The following HIP1 variants were observed in gnomAD, a reference collection of about 807,000 sequenced individuals.
HIP1 encodes the protein huntingtin-interacting protein 1.
HIP1 carries 65 observed loss-of-function variants against 147.6 expected under a neutral mutation model. The ratio of observed to expected loss-of-function variants is 0.44; its 90% confidence interval spans 0.36 to 0.54. HIP1 has a LOEUF of 0.54. Among genes scored for constraint, HIP1 ranks in the 20% least tolerant of loss-of-function variants. HIP1 has a pLI of 0.00. For synonymous variants in HIP1, 479 were observed against 504.0 expected, an observed-to-expected ratio of 0.95 and a Z score of 0.67; for missense variants, 1,061 against 1,299.6, an observed-to-expected ratio of 0.82 and a Z score of 2.82.
intron 1 of HIP1, among the ~76,000 whole-genome samples, chr7:75,695,712 T>A (rs1800613635): frequency 6.6e-6 from 1 of 151,910 alleles, no homozygotes; most frequent in African/African-American, 2.4e-5. Flanking sequence ...GTAGCTCAGA[T>A]TACAGGCATG....
At chr7:75,573,056 G>A (rs894115833) in intron 8 of HIP1, among the ~76,000 whole-genome samples, 2 of 152,138 alleles carry the variant, frequency 1.3e-5, no homozygotes, top group African/African-American at 2.4e-5. Flanking sequence ...TCCCCGGTGG[G>A]GGCCGGGCTG....
In HIP1 at chr7:75,664,029, TATATATATACACATATATGTG is replaced by T. The variant is rs1554514091; in HGVS notation, c.121-64803_121-64783del. ...GTGTATATATATACACATATATGTG[TATATATATACACATATATGTG>T]TATATACACATATATGTGTATATAC... On this transcript the variant is annotated intron_variant, in intron 1 of 30. Coordinates refer to ENST00000336926, the MANE Select transcript of HIP1 (RefSeq NM_005338.7). 2.4e-3 allele frequency among the ~76,000 whole-genome samples: 24 copies of T among 9,820 alleles called. 6 individuals are homozygous for T. The highest frequency in any genetic ancestry group is 3.8e-3 in the Admixed American group (3 of 788). The allele number at this position is 9,820 out of a possible 152,430, so 6.4% of individuals were successfully genotyped here.
At chr7:75,571,910 A>G (rs1195336843) in intron 8 of HIP1, among the ~76,000 whole-genome samples, 1 of 152,140 alleles carries the variant, frequency 6.6e-6, no homozygotes, top group Non-Finnish European at 1.5e-5. Flanking sequence ...AACCAGAAGG[A>G]CACAAAAGTA....
chr7:75,637,990 CCCCACACACACACATA>C (rs1466907019), intron 1 of HIP1, among the ~76,000 whole-genome samples: 12 of 43,548 alleles, frequency 2.8e-4, no homozygotes, highest in African/African-American at 9.9e-4. Context: ...CCCCCCCCCC[CCCCACACACACACATA>C]CACACACACA....
chr7:75,738,688 C>G, intron 1 of HIP1, 113 bp downstream of exon 1: 1 of 1,296,968 alleles, frequency 7.7e-7, no homozygotes, highest in Non-Finnish European at 1.1e-6. Flanking sequence ...CTCACTACAC[C>G]CTCGCCCCGT....
At chr7:75,553,425 T>A in intron 22 of HIP1, 28 bp downstream of exon 22, 2 of 1,609,844 alleles carry the variant, frequency 1.2e-6, no homozygotes, top group South Asian at 2.2e-5. Flanking sequence ...AGAATAACAA[T>A]GCTCCTCAAT....
chr7:75,595,689 C>T (rs1217062966), intron 2 of HIP1, among the ~76,000 whole-genome samples: 2 of 152,162 alleles, frequency 1.3e-5, no homozygotes, highest in African/African-American at 4.8e-5. Flanking sequence ...TAATGCCTTT[C>T]TGGCATTCTT....
chr7:75,557,967 G>A (rs1304328946), intron 15 of HIP1, among the ~76,000 whole-genome samples, 197 bp from the exon 16 acceptor site: 2 of 152,202 alleles, frequency 1.3e-5, no homozygotes, highest in Non-Finnish European at 2.9e-5. Context: ...GAAGGTGGGT[G>A]ACCTACATGG....
At chr7:75,638,733 G>A (rs1798529717) in intron 1 of HIP1, among the ~76,000 whole-genome samples, 1 of 152,114 alleles carries the variant, frequency 6.6e-6, no homozygotes, top group African/African-American at 2.4e-5. Flanking sequence ...TTCCGGCGGC[G>A]CTGCCCTCCC....
At chr7:75,679,360 C>T (rs1040616469) in intron 1 of HIP1, among the ~76,000 whole-genome samples, 13 of 152,220 alleles carry the variant, frequency 8.5e-5, no homozygotes, top group Admixed American at 5.9e-4. Context: ...TGCACCAGCA[C>T]GCCTGGCTCA....
chr7:75,713,314 A>G (rs1485131821), intron 1 of HIP1, among the ~76,000 whole-genome samples: 1 of 152,220 alleles, frequency 6.6e-6, no homozygotes, highest in Non-Finnish European at 1.5e-5. Context: ...GTGCAATGAC[A>G]TAGTTCCCAG....
At chr7:75,553,703 T>C (rs2116798034) in intron 21 of HIP1, 114 bp from the exon 22 acceptor site, 1 of 946,386 alleles carries the variant, frequency 1.1e-6, no homozygotes, top group East Asian at 2.7e-5. Context: ...CCTCCTGAGT[T>C]CAAGCGATTC....
At chr7:75,589,683 C>CAAAAAAAAAAA (rs1159535613) in intron 4 of HIP1, among the ~76,000 whole-genome samples, 2 of 49,638 alleles carry the variant, frequency 4.0e-5, no homozygotes, top group African/African-American at 1.7e-4. Flanking sequence ...ACTCTGTCTC[C>CAAAAAAAAAAA]AAAAAAAAAA....
chr7:75,737,676 A>G (rs189706008), intron 1 of HIP1, among the ~76,000 whole-genome samples: 26 of 152,236 alleles, frequency 1.7e-4, no homozygotes, highest in African/African-American at 6.3e-4. Context: ...GATTCCATAT[A>G]CAGAACCTTC....
rs1252456010 is a variant in HIP1 at position 75,534,043 on chromosome 7, C to T, written c.*4129G>A. On this transcript the variant is annotated 3_prime_UTR_variant, in exon 31 of 31. Coordinates refer to ENST00000336926, the MANE Select transcript of HIP1 (RefSeq NM_005338.7). The stretch of plus-strand genomic sequence containing the variant: ...CAAGATGCTGACCGGTTATTAAAGA[C>T]CAGGGTCAAATGGAGCCAGGAGACC... 8.6e-6 allele frequency: 2 copies of T among 231,810 alleles called. No homozygotes were observed. The highest frequency in any genetic ancestry group is 2.2e-5 in the African/African-American group (1 of 45,272). The allele number at this position is 231,810 out of a possible 1,614,324, so 14.4% of individuals were successfully genotyped here.
intron 2 of HIP1, among the ~76,000 whole-genome samples, chr7:75,597,343 C>G (rs587762349): frequency 6.6e-6 from 1 of 152,146 alleles, no homozygotes; most frequent in African/African-American, 2.4e-5. Flanking sequence ...TAGAAGGCTT[C>G]GGGACAAGCT....
chr7:75,674,501 T>TTTTTTTG (rs1563285831), intron 1 of HIP1, among the ~76,000 whole-genome samples: 23 of 74,266 alleles, frequency 3.1e-4, no homozygotes, highest in African/African-American at 8.7e-4. Context: ...GGCTTTTTGT[T>TTTTTTTG]TTTTTTTTTG....
intron 1 of HIP1, among the ~76,000 whole-genome samples, chr7:75,603,540 A>G (rs969536316): frequency 1.3e-5 from 2 of 152,122 alleles, no homozygotes; most frequent in East Asian, 3.9e-4. Context: ...CTTCCCCTAC[A>G]GCACATGATT....
At chr7:75,710,123 C>A (rs116592894) in intron 1 of HIP1, among the ~76,000 whole-genome samples, 1,844 of 152,192 alleles carry the variant, frequency 0.012, 43 homozygotes, top group African/African-American at 0.043. Flanking sequence ...GTCTTGAACT[C>A]CTAGGCTCAC....
Sources: gnomAD v4.1 joint callset for allele counts (sites outside exome capture counted in the v4.1 genomes callset) on GRCh38, gnomAD v4.1.1 for gene constraint, MANE v1.5 for transcripts, NCBI Gene and HGNC (gene_info 2026-07-23, HGNC 2026-07-21) for gene names.